The following PCDHGB6 variants were observed in gnomAD, a reference collection of about 807,000 sequenced individuals.
PCDHGB6 encodes protocadherin gamma-B6.
In PCDHGB6, 51 loss-of-function variants were observed where a neutral mutation model predicts 59.1. That is an observed-to-expected ratio of 0.86 (90% CI 0.69 to 1.09). PCDHGB6 has a LOEUF of 1.09. Among genes scored for constraint, PCDHGB6 ranks in the 50% least tolerant of loss-of-function variants. The probability of loss-of-function intolerance (pLI) is 0.00; values close to 1 mark genes in which losing one functional copy is unlikely to be tolerated. For synonymous variants in PCDHGB6, 466 were observed against 495.1 expected, an observed-to-expected ratio of 0.94 and a Z score of 0.78; for missense variants, 1,148 against 1,205.1, an observed-to-expected ratio of 0.95 and a Z score of 0.70.
intron 1 of PCDHGB6, chr5:141,423,051 C>T (rs200022455): frequency 1.7e-5 from 28 of 1,614,084 alleles, no homozygotes; most frequent in Non-Finnish European, 2.3e-5. Context: ...TGTCCTATCG[C>T]CTGCTTAAGG....
chr5:141,431,256 C>T lies in PCDHGB6; in HGVS notation c.2418+20636C>T. The stretch of plus-strand genomic sequence containing the variant: ...TGGGATCCGGATATCGGGAAGAACT[C>T]TCTGCAGAGCTACGAGCTCAGCCCG... On this transcript the variant is annotated intron_variant, in intron 1 of 3. Transcript: ENST00000520790. This position sits in a 1 kb window ranked among gnomAD's most constrained non-coding sequence, Gnocchi z 4.8. The T allele has an allele frequency of 6.2e-7, 1 of 1,614,194 alleles. No homozygotes were observed. Among genetic ancestry groups the T allele is most frequent in the South Asian group, 1.1e-5 (1 of 91,088 alleles).
At chr5:141,492,954 A>G (rs2099745299) in intron 1 of PCDHGB6, among the ~76,000 whole-genome samples, 1 of 152,212 alleles carries the variant, frequency 6.6e-6, no homozygotes, top group Non-Finnish European at 1.5e-5. Context: ...TGACCAAACT[A>G]TCTGACACTC....
rs2099388737 is a variant in PCDHGB6 at position 141,476,307 on chromosome 5, G to T, written c.2419-18500G>T. 1 of 1,613,606 alleles carries T rather than the reference G, an allele frequency of 6.2e-7. No individual in the cohort carries two copies. The highest frequency in any genetic ancestry group is 1.3e-5 in the African/African-American group (1 of 74,728). ...TTGGATCTCGGTAGCCTCTCAGCCC[G>T]CAGGTTCCGGGTGGTGTCTGGAGCT... On this transcript the variant is annotated intron_variant, in intron 1 of 3. Coordinates refer to ENST00000520790, the MANE Select transcript of PCDHGB6 (RefSeq NM_018926.3). The surrounding 1 kb of genome is among the most constrained non-coding windows in gnomAD (Gnocchi z 7.6).
In PCDHGB6 at chr5:141,491,424, G is replaced by A. The variant is rs745755214; in HGVS notation, c.2419-3383G>A. The A allele has an allele frequency of 6.2e-7, 1 of 1,614,092 alleles. No individual in the cohort carries two copies. Among genetic ancestry groups the A allele is most frequent in the Non-Finnish European group, 8.5e-7 (1 of 1,180,028 alleles). ...ACGCAGACGGGGACGGGGGTGGAGG[G>A]CAGTGCTGCAGGCGCCAGGACTCAC... On this transcript the variant is annotated intron_variant, in intron 1 of 3. Coordinates refer to ENST00000520790, the MANE Select transcript of PCDHGB6 (RefSeq NM_018926.3). The surrounding 1 kb of genome is among the most constrained non-coding windows in gnomAD (Gnocchi z 6.9).
intron 3 of PCDHGB6, among the ~76,000 whole-genome samples, chr5:141,509,583 A>G (rs1008344833): frequency 7.2e-5 from 11 of 152,320 alleles, no homozygotes; most frequent in African/African-American, 2.4e-4. Flanking sequence ...CGTACAAATC[A>G]GCTGGCAATT....
In PCDHGB6 at chr5:141,432,845, G is replaced by A. The variant is rs1299464282; in HGVS notation, c.2418+22225G>A. The A allele has an allele frequency of 1.2e-6, 2 of 1,614,076 alleles. No individual in the cohort carries two copies. The highest frequency in any genetic ancestry group is 8.5e-7 in the Non-Finnish European group (1 of 1,180,024). ...AGACCTCACTCTGTACCTGGTGGTA[G>A]CGGTGGCCGCGGTCTCCTGCGTCTT... On this transcript the variant is annotated intron_variant, in intron 1 of 3. Coordinates refer to ENST00000520790, the MANE Select transcript of PCDHGB6 (RefSeq NM_018926.3). This position sits in a 1 kb window ranked among gnomAD's most constrained non-coding sequence, Gnocchi z 6.0.
Position 141,427,474 on chromosome 5 carries a change from A to T in PCDHGB6, c.2418+16854A>T, listed in dbSNP as rs373512099. On this transcript the variant is annotated intron_variant, in intron 1 of 3. Transcript: ENST00000520790. The stretch of plus-strand genomic sequence containing the variant: ...CCTTTTAGAATCGAATCTTCCGCCA[A>T]TAATGACTATAAGCTTGTAACAGAT... 10 of 520,294 alleles carry T rather than the reference A, an allele frequency of 1.9e-5. No individual in the cohort carries two copies. In the East Asian group the frequency reaches 2.1e-4, roughly 11 times the overall value. The allele number at this position is 520,294 out of a possible 1,614,324, so 32.2% of individuals were successfully genotyped here. A position where few individuals can be genotyped will look rare whatever the true frequency, so the allele number is the denominator to read the frequency against.
intron 1 of PCDHGB6, chr5:141,419,118 T>C: frequency 6.2e-7 from 1 of 1,613,806 alleles, no homozygotes; most frequent in South Asian, 1.1e-5. Context: ...GAGTACAACG[T>C]CACCATCGCA....
rs770828917 is a variant in PCDHGB6 at position 141,431,306 on chromosome 5, C to G, written c.2418+20686C>G. ...GAACACTCACTTCTCCCTCATCGTG[C>G]AAAATGGAGCCGACGGTAGTAAGTA... On this transcript the variant is annotated intron_variant, in intron 1 of 3. Transcript: ENST00000520790. The surrounding 1 kb of genome is among the most constrained non-coding windows in gnomAD (Gnocchi z 4.8). 6.2e-7 allele frequency: 1 copy of G among 1,614,124 alleles called. No homozygotes were observed. The highest frequency in any genetic ancestry group is 2.2e-5 in the East Asian group (1 of 44,878).
Position 141,490,270 on chromosome 5 carries a change from A to G in PCDHGB6, c.2419-4537A>G. On this transcript the variant is annotated intron_variant, in intron 1 of 3. Coordinates refer to ENST00000520790, the MANE Select transcript of PCDHGB6 (RefSeq NM_018926.3). The surrounding 1 kb of genome is among the most constrained non-coding windows in gnomAD (Gnocchi z 5.4). The stretch of plus-strand genomic sequence containing the variant: ...GATTCAAGTGGATGTGGGGGATGTC[A>G]ATGACAATGCCCCAGAGGTGCTATT... The G allele has an allele frequency of 6.2e-7, 1 of 1,614,226 alleles. No individual in the cohort carries two copies. Among genetic ancestry groups the G allele is most frequent in the African/African-American group, 1.3e-5 (1 of 75,060 alleles).
At chr5:141,499,548 A>G (rs1312910986) in intron 2 of PCDHGB6, among the ~76,000 whole-genome samples, 3 of 152,226 alleles carry the variant, frequency 2.0e-5, no homozygotes, top group African/African-American at 7.2e-5. Flanking sequence ...ATGAACCTGT[A>G]TGATACCACT....
intron 1 of PCDHGB6, among the ~76,000 whole-genome samples, chr5:141,454,795 A>G (rs79012896): frequency 9.1e-6 from 1 of 110,272 alleles, no homozygotes; most frequent in South Asian, 3.0e-4. Flanking sequence ...CCATGGTTCT[A>G]ATTTTTTTTT....
chr5:141,427,034 A>G (rs762633589), intron 1 of PCDHGB6: 7 of 457,110 alleles, frequency 1.5e-5, no homozygotes, highest in Non-Finnish European at 2.6e-5. Flanking sequence ...TCAGCCTTAG[A>G]GAGAATGTGC....
At chr5:141,430,829 T>A (rs763916884) in intron 1 of PCDHGB6, 1 of 1,554,558 alleles carries the variant, frequency 6.4e-7, no homozygotes, top group Non-Finnish European at 8.7e-7. Context: ...GGGGACTCTG[T>A]GGGAGACCGG....
chr5:141,430,997 C>T, intron 1 of PCDHGB6: 1 of 1,613,926 alleles, frequency 6.2e-7, no homozygotes, highest in Non-Finnish European at 8.5e-7. Context: ...CCTGAATCCG[C>T]GCAGCGGCAG....
At chr5:141,466,583 C>T (rs2099125595) in intron 1 of PCDHGB6, among the ~76,000 whole-genome samples, 1 of 152,184 alleles carries the variant, frequency 6.6e-6, no homozygotes, top group Admixed American at 6.6e-5. Flanking sequence ...CTCATCCCTT[C>T]TTAAAACAAG....
rs1334650353 is a variant in PCDHGB6, at chr5:141,493,099, A to T, written c.2419-1708A>T. Among the ~76,000 whole-genome samples, 1 of 152,192 alleles carries T rather than the reference A, an allele frequency of 6.6e-6. No homozygotes were observed. Among genetic ancestry groups the T allele is most frequent in the East Asian group, 1.9e-4 (1 of 5,198 alleles). On this transcript the variant is annotated intron_variant, in intron 1 of 3. Coordinates refer to ENST00000520790, the MANE Select transcript of PCDHGB6 (RefSeq NM_018926.3). This position sits in a 1 kb window ranked among gnomAD's most constrained non-coding sequence, Gnocchi z 4.3. ...CTCCAGGAGCTTTTATTCAAAATAT[A>T]TCAATGCCTAACTCTGCTCCTAGGA... is the stretch of plus-strand genomic sequence containing the variant.
chr5:141,438,621 TATATATATATATATACACACAC>T (rs2098027070), intron 1 of PCDHGB6, among the ~76,000 whole-genome samples: 1 of 41,368 alleles, frequency 2.4e-5, no homozygotes, highest in Non-Finnish European at 4.0e-5. Flanking sequence ...TATATATATA[TATATATATATATATACACACAC>T]ACACACACAT....
rs772328241 is a variant in PCDHGB6 at position 141,491,340 on chromosome 5, C to A, written c.2419-3467C>A. On this transcript the variant is annotated intron_variant, in intron 1 of 3. Coordinates refer to ENST00000520790, the MANE Select transcript of PCDHGB6 (RefSeq NM_018926.3). The surrounding 1 kb of genome is among the most constrained non-coding windows in gnomAD (Gnocchi z 6.9). ...TTTACCTCATTGTGGCTCTAGCGACCGTCAGTCTCTTATCCCTAGTCACCT... is the reference window on the plus strand; with the variant it reads ...TTTACCTCATTGTGGCTCTAGCGACAGTCAGTCTCTTATCCCTAGTCACCT... 4.3e-6 allele frequency: 7 copies of A among 1,614,146 alleles called. No homozygotes were observed. Among genetic ancestry groups the A allele is most frequent in the Non-Finnish European group, 5.9e-6 (7 of 1,180,014 alleles).
Sources: gnomAD v4.1 joint callset for allele counts (sites outside exome capture counted in the v4.1 genomes callset) on GRCh38, gnomAD v4.1.1 for gene constraint, Gnocchi (gnomAD v3.1) non-coding constraint, MANE v1.5 for transcripts, NCBI Gene and HGNC (gene_info 2026-07-23, HGNC 2026-07-21) for gene names.